LHFPL2: variants seen among roughly 807,000 people sequenced by gnomAD.
LHFPL2 encodes the protein LHFPL tetraspan subfamily member 2, also known as LHFPL tetraspan subfamily member 2 protein.
A neutral mutation model predicts 17.5 loss-of-function variants in LHFPL2; 7 were observed. That is an observed-to-expected ratio of 0.40 (90% confidence interval 0.23 to 0.75). The LOEUF (loss-of-function observed/expected upper bound fraction) is 0.75. Among genes scored for constraint, LHFPL2 ranks in the 30% least tolerant of loss-of-function variants. LHFPL2 has a pLI of 0.37. For missense variants in LHFPL2, 241 were observed against 294.8 expected (o/e 0.82, Z 1.34); for synonymous variants, 134 against 116.2 (o/e 1.15, Z -0.99).
chr5:78,601,970 A>AT (rs944677414), intron 2 of LHFPL2, among the ~76,000 whole-genome samples: 1 of 152,220 alleles, frequency 6.6e-6, no homozygotes, highest in Non-Finnish European at 1.5e-5. Flanking sequence ...AAATAAAAAA[A>AT]TTAAAGACTT....
intron 4 of LHFPL2, among the ~76,000 whole-genome samples, chr5:78,500,915 G>A (rs1268129746): frequency 2.6e-5 from 4 of 152,104 alleles, no homozygotes; most frequent in East Asian, 1.9e-4. Context: ...AATGGCATTC[G>A]TTAAATTCCA....
chr5:78,634,062 C>A (rs1241622044), intron 1 of LHFPL2, among the ~76,000 whole-genome samples: 4 of 152,152 alleles, frequency 2.6e-5, no homozygotes, highest in African/African-American at 9.7e-5. Context: ...GTTTATCTGC[C>A]TCTTTCTTTG....
At chr5:78,639,827 G>A (rs927849589) in intron 1 of LHFPL2, among the ~76,000 whole-genome samples, 3 of 152,212 alleles carry the variant, frequency 2.0e-5, no homozygotes, top group African/African-American at 7.2e-5. Flanking sequence ...GCAAGAGAAA[G>A]TTAATTTTTT....
chr5:78,533,775 T>G (rs17804672), intron 3 of LHFPL2, among the ~76,000 whole-genome samples: 1,531 of 152,352 alleles, frequency 0.01, 9 homozygotes, highest in Non-Finnish European at 0.016. Context: ...ATTGTTGCTT[T>G]TCATTCCCAG....
intron 4 of LHFPL2, among the ~76,000 whole-genome samples, chr5:78,501,603 G>C (rs1470817893): frequency 1.3e-5 from 2 of 152,150 alleles, no homozygotes; most frequent in African/African-American, 2.4e-5. Context: ...CTGTGTTGTC[G>C]AGGCTAGCAT....
At chr5:78,591,171 C>T (rs766287116) in intron 2 of LHFPL2, among the ~76,000 whole-genome samples, 6 of 152,116 alleles carry the variant, frequency 3.9e-5, no homozygotes, top group Admixed American at 1.3e-4. Flanking sequence ...GGAAGTAAAA[C>T]GCTAATGACT....
chr5:78,504,249 T>TGCC lies in LHFPL2; in HGVS notation c.430+5532_430+5534dup, dbSNP rs1375787875. On this transcript the variant is annotated intron_variant, in intron 4 of 4. Coordinates refer to ENST00000380345, the MANE Select transcript of LHFPL2 (RefSeq NM_005779.3). ...AGGGCTGTTCCCTCTACTCTCCCCATGCCTCTTTGAGGGTGTTCTGAAGGT... is the reference window on the plus strand; with the variant it reads ...AGGGCTGTTCCCTCTACTCTCCCCATGCCGCCTCTTTGAGGGTGTTCTGAAGGT... Among the ~76,000 whole-genome samples, 8 of 152,278 alleles carry TGCC rather than the reference T, an allele frequency of 5.3e-5. No individual in the cohort carries two copies. In the East Asian group the frequency reaches 1.5e-3, roughly 29 times the overall value.
chr5:78,519,595 C>T (rs922819641), intron 3 of LHFPL2, among the ~76,000 whole-genome samples: 3 of 152,270 alleles, frequency 2.0e-5, no homozygotes, highest in East Asian at 1.9e-4. Context: ...AAATTGGGCC[C>T]GTGTTCCTCA....
intron 3 of LHFPL2, among the ~76,000 whole-genome samples, chr5:78,550,886 T>C (rs1756421147): frequency 6.6e-6 from 1 of 152,200 alleles, no homozygotes; most frequent in East Asian, 1.9e-4. Context: ...TCTGTATTTA[T>C]TCTCATATTG....
At chr5:78,567,382 C>T (rs992041938) in intron 2 of LHFPL2, among the ~76,000 whole-genome samples, 6 of 151,810 alleles carry the variant, frequency 4.0e-5, no homozygotes, top group Non-Finnish European at 4.4e-5. Flanking sequence ...TTTAAATATG[C>T]TATTTCGAAA....
intron 4 of LHFPL2, among the ~76,000 whole-genome samples, chr5:78,495,150 G>C (rs17802875): frequency 0.4 from 60,525 of 152,080 alleles, 13,154 homozygotes; most frequent in Non-Finnish European, 0.49. Flanking sequence ...GTATTTCACT[G>C]GGTCTGAAGG....
chr5:78,616,222 G>A (rs1744602262), intron 2 of LHFPL2, among the ~76,000 whole-genome samples: 1 of 152,098 alleles, frequency 6.6e-6, no homozygotes, highest in Admixed American at 6.5e-5. Context: ...CCGCCTTCGG[G>A]TTCACGCCAT....
intron 4 of LHFPL2, among the ~76,000 whole-genome samples, chr5:78,496,484 C>A (rs183404497): frequency 6.6e-6 from 1 of 151,908 alleles, no homozygotes; most frequent in East Asian, 1.9e-4. Flanking sequence ...AAATAAAAAA[C>A]AAATCCCTCT....
intron 2 of LHFPL2, among the ~76,000 whole-genome samples, chr5:78,598,007 C>T (rs577295993): frequency 6.6e-6 from 1 of 152,284 alleles, no homozygotes; most frequent in African/African-American, 2.4e-5. Flanking sequence ...ACAATGGAAT[C>T]CAACTTTTGA....
At chr5:78,570,603 A>G (rs1416665723) in intron 2 of LHFPL2, among the ~76,000 whole-genome samples, 2 of 149,182 alleles carry the variant, frequency 1.3e-5, no homozygotes, top group East Asian at 3.9e-4. Context: ...TCTTGCTTTT[A>G]ACCTTGAATA....
chr5:78,575,363 AT>A (rs1757102897), intron 2 of LHFPL2, among the ~76,000 whole-genome samples: 1 of 152,108 alleles, frequency 6.6e-6, no homozygotes, highest in African/African-American at 2.4e-5. Context: ...CCTGGCTAAT[AT>A]GGTGAAACCC....
intron 2 of LHFPL2, among the ~76,000 whole-genome samples, chr5:78,623,177 C>T (rs1376840659): frequency 6.6e-6 from 1 of 152,180 alleles, no homozygotes. Flanking sequence ...AGACCTTATT[C>T]AGGGAGTCAT....
intron 2 of LHFPL2, among the ~76,000 whole-genome samples, chr5:78,619,042 T>C (rs959056975): frequency 3.9e-5 from 6 of 152,198 alleles, no homozygotes; most frequent in Non-Finnish European, 7.3e-5. Context: ...TTCTTTTTTT[T>C]TGAGGCAAGG....
At chr5:78,566,612 C>T (rs528675534) in intron 2 of LHFPL2, among the ~76,000 whole-genome samples, 1 of 152,082 alleles carries the variant, frequency 6.6e-6, no homozygotes, top group African/African-American at 2.4e-5. Context: ...CATGTGCCAC[C>T]ACCTCCAGCT....
Sources: gnomAD v4.1 joint callset for allele counts (sites outside exome capture counted in the v4.1 genomes callset) on GRCh38, gnomAD v4.1.1 for gene constraint, MANE v1.5 for transcripts, NCBI Gene and HGNC (gene_info 2026-07-23, HGNC 2026-07-21) for gene names.